Variants in HELZ2 observed in about 807,000 individuals in gnomAD.
HELZ2 encodes the protein 3'-5' exoribonuclease HELZ2.
In HELZ2, 143 loss-of-function variants were observed where a neutral mutation model predicts 208.8. The observed-to-expected ratio is 0.68, with a 90% confidence interval of 0.60 to 0.79. The LOEUF is 0.79. Ranked by LOEUF, HELZ2 falls within the 30% of genes least tolerant of loss-of-function variation. The pLI, the probability that HELZ2 is intolerant of heterozygous loss-of-function variation, is 0.00. For missense variants in HELZ2, 3,690 were observed against 3,794.5 expected (o/e 0.97, Z 0.72); for synonymous variants, 1,705 against 1,693.7 (o/e 1.01, Z -0.16).
upstream of HELZ2, among the ~76,000 whole-genome samples, chr20:63,573,569 C>T (rs953250356): frequency 1.3e-5 from 2 of 152,094 alleles, no homozygotes; most frequent in African/African-American, 2.4e-5. This position sits in a 1 kb window ranked among gnomAD's most constrained non-coding sequence, Gnocchi z 4.9. Context: ...CCCAGGAGGC[C>T]GCACCCCTCT....
At position 63,560,715 on chromosome 20, in the gene HELZ2, C is replaced by T. The variant is rs1041928401; in HGVS notation, c.7282-18G>A. 8.7e-6 allele frequency: 14 copies of T among 1,606,660 alleles called. No individual in the cohort carries two copies. Among genetic ancestry groups the T allele is most frequent in the South Asian group, 2.2e-5 (2 of 91,070 alleles). On this transcript the variant is annotated intron_variant, in intron 15 of 18. Coordinates refer to ENST00000467148, the Ensembl canonical transcript of HELZ2. Reference sequence around the variant, plus strand: ...CCCTCATGCTGCAGGCAAGGATGTGCGCTGGTCAGAGGCTGCCACGCGGGG... The same window carrying T: ...CCCTCATGCTGCAGGCAAGGATGTGTGCTGGTCAGAGGCTGCCACGCGGGG...
Position 63,560,780 on chromosome 20 carries a change from G to A in HELZ2, c.7281+15C>T. On this transcript the variant is annotated intron_variant, in intron 15 of 18. Coordinates refer to ENST00000467148, the Ensembl canonical transcript of HELZ2. Reference sequence around the variant, plus strand: ...GGGCTGCAGGTGGGCTGGGGGCTGAGTGGGGCGGGCTCACCATGCGGTACT... The same window carrying A: ...GGGCTGCAGGTGGGCTGGGGGCTGAATGGGGCGGGCTCACCATGCGGTACT... 3 of 1,607,730 alleles carry A rather than the reference G, an allele frequency of 1.9e-6. No individual in the cohort carries two copies. Among genetic ancestry groups the A allele is most frequent in the Non-Finnish European group, 2.5e-6 (3 of 1,177,334 alleles).
exon 6 of HELZ2, chr20:63,567,486 G>A (rs112588687): frequency 2.2e-5 from 35 of 1,556,216 alleles, no homozygotes; most frequent in African/African-American, 2.2e-4. Context: ...GGCGGTCGTC[G>A]GTCAGGCAAC....
In HELZ2 at chr20:63,572,304, G is replaced by A. The variant is rs12479563; in HGVS notation, c.82C>T (p.Arg28Cys). 2.0e-3 allele frequency: 3,234 copies of A among 1,586,154 alleles called. 133 individuals are homozygous for A. The Admixed American group carries it at 0.054, about 27-fold the overall frequency. Residue 28 changes from arginine to cysteine, a missense_variant, in exon 1 of 19, where the codon CGC becomes TGC. Arg to Cys is a radical substitution (Grantham distance 180). This residue lies in a region of HELZ2 where 1,119 missense variants were observed against 1,193.4 expected (regional missense o/e 0.94). Coordinates refer to ENST00000467148, the Ensembl canonical transcript of HELZ2. ...GGGGGCTGGCCAAGGGGGGCCGTGC[G>A]CCCGTCGCCATCAGGGGCAGGGGGT... is the stretch of plus-strand genomic sequence containing the variant.
In HELZ2 at chr20:63,564,867, C is replaced by T. The variant is rs750628763; in HGVS notation, c.3955G>A (p.Val1319Met). 1.7e-5 allele frequency: 28 copies of T among 1,612,116 alleles called. No individual in the cohort carries two copies. The highest frequency in any genetic ancestry group is 2.2e-5 in the Non-Finnish European group (26 of 1,179,444). ...AGCTCCGTGTGGTATTTCTGCAGCA[C>T]CTTGGTGATGGTGGCCTGGTCCGAC... The change falls in exon 8 of 19, where the codon GTG (valine) becomes ATG (methionine). Residue 1319 changes from valine (V) to methionine (M), a missense_variant. Transcript: ENST00000467148.
intron 5 of HELZ2, 74 bp downstream of exon 6, chr20:63,568,284 G>A: frequency 8.7e-7 from 1 of 1,146,024 alleles, no homozygotes. Flanking sequence ...GCACATCCAG[G>A]GGGTGACCGC....
At chr20:63,560,629 C>G (rs758330744) in exon 16 of HELZ2, 1 of 1,610,688 alleles carries the variant, frequency 6.2e-7, no homozygotes, top group Non-Finnish European at 8.5e-7. Context: ...GCGGCCTCCT[C>G]AGGCCCTGCC....
chr20:63,566,705 C>T (rs2082963559), intron 6 of HELZ2, 139 bp downstream of exon 7: 3 of 884,608 alleles, frequency 3.4e-6, no homozygotes, highest in Non-Finnish European at 5.1e-6. Context: ...CCGAGCCCCA[C>T]CTCAGCCCTG....
chr20:63,565,024 C>G (rs1214064090), exon 8 of HELZ2: 2 of 1,581,794 alleles, frequency 1.3e-6, no homozygotes, highest in South Asian at 1.1e-5. Context: ...CAATTTGGAC[C>G]CAGAAGAGCC....
exon 8 of HELZ2, chr20:63,565,018 T>C (rs1490390089): frequency 6.3e-7 from 1 of 1,588,536 alleles, no homozygotes; most frequent in Admixed American, 1.8e-5. Flanking sequence ...ACAGGACAAT[T>C]TGGACCCAGA....
At chr20:63,565,076 C>T (rs768418245) in exon 8 of HELZ2, 34 of 1,561,982 alleles carry the variant, frequency 2.2e-5, no homozygotes, top group Non-Finnish European at 2.6e-5. Context: ...AAGCCCCACA[C>T]GCTGCAGCCG....
chr20:63,573,399 G>C (rs2083032104), upstream of HELZ2, among the ~76,000 whole-genome samples: 1 of 152,194 alleles, frequency 6.6e-6, no homozygotes, highest in Non-Finnish European at 1.5e-5. The surrounding 1 kb of genome is among the most constrained non-coding windows in gnomAD (Gnocchi z 4.9). Flanking sequence ...CCCAAGTGGA[G>C]GCCTTGGCAG....
chr20:63,560,661 A>G (rs368333015), exon 16 of HELZ2: 2 of 1,609,566 alleles, frequency 1.2e-6, no homozygotes, highest in Middle Eastern at 1.6e-4. Context: ...TTGCTCTTGT[A>G]GAACGCCACA....
chr20:63,564,263 G>A lies in HELZ2; in HGVS notation c.4559C>T (p.Ala1520Val), dbSNP rs771232870. 24 of 1,611,190 alleles carry A rather than the reference G, an allele frequency of 1.5e-5. No individual in the cohort carries two copies. The highest frequency in any genetic ancestry group is 1.6e-4 in the Middle Eastern group (1 of 6,080). The change falls in exon 8 of 19, where the codon GCG becomes GTG. Residue 1520 changes from alanine to valine, a missense_variant. Physicochemically the swap from Ala to Val is moderately conservative, Grantham distance 64. Coordinates refer to ENST00000467148, the Ensembl canonical transcript of HELZ2. ...GTACTCCTTCACCATGATGTGGGCC[G>A]CGCGGAAGCCCAGGGTGCCGTCCTC...
chr20:63,565,202 C>A (rs765790192), exon 8 of HELZ2: 1 of 1,607,650 alleles, frequency 6.2e-7, no homozygotes, highest in South Asian at 1.1e-5. Context: ...CGTGTCCATG[C>A]GGCACACAAA....
chr20:63,570,861 G>A (rs2083009789), exon 2 of HELZ2: 1 of 1,589,300 alleles, frequency 6.3e-7, no homozygotes. Flanking sequence ...TACTCACAGA[G>A]GTCAGGCCTG....
At chr20:63,571,840 A>G (rs1188376535) in intron 1 of HELZ2, 16 of 151,152 alleles carry the variant, frequency 1.1e-4, no homozygotes, top group East Asian at 1.7e-4. Flanking sequence ...GCTCCTGGGA[A>G]CCTCTGGCTC....
At position 63,562,053 on chromosome 20, in the gene HELZ2, C is replaced by G. The variant is rs1235500758; in HGVS notation, c.6529+19G>C. 1 of 1,594,466 alleles carries G rather than the reference C, an allele frequency of 6.3e-7. No homozygotes were observed. ...CTGTGGCCCAAGGCAGCCTGCGGCT[C>G]CCCCGGCATGGGCCCTACCTGGTGG... is the stretch of plus-strand genomic sequence containing the variant. On this transcript the variant is annotated intron_variant, in intron 10 of 18. Coordinates refer to ENST00000467148, the Ensembl canonical transcript of HELZ2.
At chr20:63,566,127 T>C in exon 8 of HELZ2, 1 of 1,576,058 alleles carries the variant, frequency 6.3e-7, no homozygotes. Context: ...AGGACGGTGT[T>C]GAGCACGCGG....
Sources: gnomAD v4.1 joint callset for allele counts (sites outside exome capture counted in the v4.1 genomes callset) on GRCh38, gnomAD v4.1.1 for gene constraint, gnomAD v4.1.1 regional missense constraint, Gnocchi (gnomAD v3.1) non-coding constraint, MANE v1.5 for transcripts, NCBI Gene and HGNC (gene_info 2026-07-23, HGNC 2026-07-21) for gene names.